LIPC: variants seen among roughly 807,000 people sequenced by gnomAD.
LIPC encodes the protein lipase C, hepatic type, also known as hepatic triacylglycerol lipase.
In LIPC, 44 loss-of-function variants were observed where a neutral mutation model predicts 50.7. The ratio of observed to expected loss-of-function variants is 0.87; its 90% confidence interval spans 0.68 to 1.11. LIPC has a LOEUF of 1.11. Among genes scored for constraint, LIPC ranks in the 50% most tolerant of loss-of-function variants. The pLI is 0.00. For missense variants in LIPC, 697 were observed against 648.2 expected, an observed-to-expected ratio of 1.08 and a Z score of -0.82; for synonymous variants, 271 against 256.4, an observed-to-expected ratio of 1.06 and a Z score of -0.54.
At chr15:58,491,841 G>C (rs183406699) in intron 1 of LIPC, among the ~76,000 whole-genome samples, 4 of 152,224 alleles carry the variant, frequency 2.6e-5, no homozygotes, top group South Asian at 4.1e-4. Context: ...CCCACTGAGA[G>C]CTCAGGGTGC....
chr15:58,445,944 TCTA>T (rs1412315049), intron 1 of LIPC, among the ~76,000 whole-genome samples: 1 of 152,266 alleles, frequency 6.6e-6, no homozygotes, highest in Admixed American at 6.5e-5. Flanking sequence ...AGTGTTTTTC[TCTA>T]CTTTTTATTA....
chr15:58,498,236 G>A (rs1022069305), intron 1 of LIPC, among the ~76,000 whole-genome samples: 19 of 152,186 alleles, frequency 1.2e-4, no homozygotes, highest in East Asian at 9.7e-4. Context: ...CAGGATCCTC[G>A]GAAGGGTTTG....
At chr15:58,498,305 G>A (rs1288449616) in intron 1 of LIPC, among the ~76,000 whole-genome samples, 2 of 152,084 alleles carry the variant, frequency 1.3e-5, no homozygotes, top group Non-Finnish European at 2.9e-5. Context: ...GGTCTAGAGC[G>A]GGACTTACAA....
intron 1 of LIPC, chr15:58,522,442 G>C (rs1446550765): frequency 1.3e-5 from 2 of 152,366 alleles, no homozygotes; most frequent in Non-Finnish European, 2.9e-5. Flanking sequence ...CATTCCCTGG[G>C]GTGTTTTCAA....
chr15:58,550,716 G>A (rs1208488069), intron 6 of LIPC, among the ~76,000 whole-genome samples: 5 of 152,016 alleles, frequency 3.3e-5, no homozygotes, highest in Non-Finnish European at 5.9e-5. Flanking sequence ...TGAGGAGGAG[G>A]TTAAGGGCAG....
At chr15:58,524,075 C>G (rs750391774) in intron 1 of LIPC, among the ~76,000 whole-genome samples, 5 of 152,202 alleles carry the variant, frequency 3.3e-5, no homozygotes, top group African/African-American at 7.2e-5. Flanking sequence ...CCTCCTCCCC[C>G]TTTCCCACCA....
intron 1 of LIPC, among the ~76,000 whole-genome samples, chr15:58,532,635 T>C (rs1369437712): frequency 6.6e-6 from 1 of 152,148 alleles, no homozygotes; most frequent in Non-Finnish European, 1.5e-5. Context: ...TACCAGCCAA[T>C]ACATGGAAAG....
chr15:58,515,497 A>G (rs1238481441), intron 1 of LIPC, among the ~76,000 whole-genome samples: 1 of 149,878 alleles, frequency 6.7e-6, no homozygotes, highest in African/African-American at 2.5e-5. Context: ...GAGCTTCATT[A>G]GTGTGATATA....
intron 1 of LIPC, among the ~76,000 whole-genome samples, chr15:58,452,930 G>A (rs1485783649): frequency 6.6e-6 from 1 of 152,230 alleles, no homozygotes. Flanking sequence ...GGCCTGTGAA[G>A]ATGTGGATGT....
intron 1 of LIPC, among the ~76,000 whole-genome samples, chr15:58,489,223 C>CGGGGGTGGGGA (rs1566926406): frequency 3.0e-5 from 2 of 67,258 alleles, no homozygotes; most frequent in African/African-American, 2.1e-4. Context: ...GTTGCGGGGG[C>CGGGGGTGGGGA]GGGGGGGCGG....
At chr15:58,505,772 G>C (rs1892126974) in intron 1 of LIPC, among the ~76,000 whole-genome samples, 1 of 152,090 alleles carries the variant, frequency 6.6e-6, no homozygotes, top group African/African-American at 2.4e-5. Flanking sequence ...TATCTCTAAA[G>C]CCAGTTCCCA....
chr15:58,479,011 A>G (rs1271297971), intron 1 of LIPC, among the ~76,000 whole-genome samples: 3 of 152,226 alleles, frequency 2.0e-5, no homozygotes, highest in Non-Finnish European at 4.4e-5. Flanking sequence ...GGACTTTCAG[A>G]TGTTCAATGA....
At chr15:58,480,125 ATCT>A (rs1308457451) in intron 1 of LIPC, among the ~76,000 whole-genome samples, 2 of 152,194 alleles carry the variant, frequency 1.3e-5, no homozygotes, top group Admixed American at 6.5e-5. Context: ...AGTAACATTC[ATCT>A]TCTTCCTCTT....
intron 1 of LIPC, among the ~76,000 whole-genome samples, chr15:58,491,174 G>T: frequency 6.6e-6 from 1 of 152,140 alleles, no homozygotes; most frequent in African/African-American, 2.4e-5. Flanking sequence ...CCGCCCCATC[G>T]CCAAAGAAAG....
intron 1 of LIPC, among the ~76,000 whole-genome samples, chr15:58,491,444 A>G (rs1342141361): frequency 6.6e-6 from 1 of 152,212 alleles, no homozygotes; most frequent in Non-Finnish European, 1.5e-5. Context: ...GTCAGGTTTA[A>G]AAGACCAAAT....
intron 1 of LIPC, among the ~76,000 whole-genome samples, chr15:58,517,939 G>A (rs1233894516): frequency 1.3e-5 from 2 of 152,164 alleles, no homozygotes; most frequent in African/African-American, 2.4e-5. Context: ...GGTGCAAAGT[G>A]GGGCCCTGAA....
chr15:58,534,927 C>T (rs1159102015), intron 1 of LIPC, among the ~76,000 whole-genome samples: 1 of 152,158 alleles, frequency 6.6e-6, no homozygotes, highest in Non-Finnish European at 1.5e-5. Context: ...CATGCCCACC[C>T]AGTGATTCTG....
At chr15:58,529,535 C>T (rs59288334) in intron 1 of LIPC, among the ~76,000 whole-genome samples, 8 of 152,316 alleles carry the variant, frequency 5.3e-5, no homozygotes, top group South Asian at 2.1e-4. Context: ...AGCTGTCTTC[C>T]GTGATTCAAG....
intron 1 of LIPC, among the ~76,000 whole-genome samples, chr15:58,458,051 A>C (rs1894199480): frequency 6.6e-6 from 1 of 152,258 alleles, no homozygotes; most frequent in Non-Finnish European, 1.5e-5. Flanking sequence ...TGAGCTAGAC[A>C]ATAACAAAAA....
Sources: gnomAD v4.1 joint callset for allele counts (sites outside exome capture counted in the v4.1 genomes callset) on GRCh38, gnomAD v4.1.1 for gene constraint, MANE v1.5 for transcripts, NCBI Gene and HGNC (gene_info 2026-07-23, HGNC 2026-07-21) for gene names.